The following MYO5B variants were observed in gnomAD, a reference collection of about 807,000 sequenced individuals.
MYO5B encodes the protein myosin VB.
MYO5B carries 143 observed loss-of-function variants against 229.3 expected under a neutral mutation model. That is an observed-to-expected ratio of 0.62 (90% confidence interval 0.54 to 0.72). The LOEUF (loss-of-function observed/expected upper bound fraction) is 0.72. Among genes scored for constraint, MYO5B ranks in the 30% least tolerant of loss-of-function variants. The pLI is 0.00. For missense variants in MYO5B, 2,321 were observed against 2,331.0 expected (o/e 1.00, Z 0.09); for synonymous variants, 918 against 885.2 (o/e 1.04, Z -0.66).
At chr18:49,913,861 AAGAG>A (rs1390950834) in intron 17 of MYO5B, among the ~76,000 whole-genome samples, 1 of 152,028 alleles carries the variant, frequency 6.6e-6, no homozygotes, top group Non-Finnish European at 1.5e-5. Flanking sequence ...AGAAAGAGAG[AAGAG>A]AAAGAGCATC....
chr18:50,117,193 G>T (rs6507964), intron 1 of MYO5B, among the ~76,000 whole-genome samples: 42,323 of 151,858 alleles, frequency 0.28, 6,342 homozygotes, highest in Non-Finnish European at 0.34. Context: ...AGGTGAATAT[G>T]AATATGACCA....
intron 22 of MYO5B, among the ~76,000 whole-genome samples, chr18:49,883,337 A>G (rs895707075): frequency 5.3e-5 from 8 of 151,098 alleles, no homozygotes; most frequent in Non-Finnish European, 1.0e-4. Flanking sequence ...ACTCAATTGT[A>G]TTTGTATATA....
intron 1 of MYO5B, among the ~76,000 whole-genome samples, chr18:50,066,075 A>G (rs1053261473): frequency 4.6e-5 from 7 of 152,316 alleles, no homozygotes; most frequent in African/African-American, 1.2e-4. Context: ...GAAGTATTCT[A>G]TAGCCAATGG....
chr18:49,896,664 G>T (rs1485379461), intron 21 of MYO5B, among the ~76,000 whole-genome samples: 1 of 152,160 alleles, frequency 6.6e-6, no homozygotes, highest in Non-Finnish European at 1.5e-5. Flanking sequence ...AGAGAGGCAC[G>T]CATGGTAACA....
At chr18:49,879,171 T>G in intron 23 of MYO5B, 81 bp from the exon 24 acceptor site, 26 of 1,571,980 alleles carry the variant, frequency 1.7e-5, no homozygotes, top group Non-Finnish European at 2.1e-5. Flanking sequence ...GATTAATCTC[T>G]TGTTAAGAGG....
chr18:49,948,215 G>A (rs934685738), intron 14 of MYO5B, among the ~76,000 whole-genome samples: 34 of 152,292 alleles, frequency 2.2e-4, no homozygotes, highest in African/African-American at 7.2e-4. Context: ...AGTTTGGGTG[G>A]TGTCTCTTCC....
chr18:50,101,061 TG>T (rs1235428018), intron 1 of MYO5B, among the ~76,000 whole-genome samples: 12 of 152,246 alleles, frequency 7.9e-5, no homozygotes, highest in African/African-American at 2.9e-4. Context: ...ACCTACAGCA[TG>T]GGGACAATAG....
At chr18:50,035,731 G>T (rs764008636) in intron 4 of MYO5B, among the ~76,000 whole-genome samples, 8 of 152,326 alleles carry the variant, frequency 5.3e-5, no homozygotes, top group Middle Eastern at 3.4e-3. Context: ...AGAGAAAAGT[G>T]AAAGATTGCA....
chr18:50,143,492 C>T (rs1038341696), intron 1 of MYO5B, among the ~76,000 whole-genome samples: 5 of 152,218 alleles, frequency 3.3e-5, no homozygotes, highest in Non-Finnish European at 7.3e-5. Flanking sequence ...ACAGCACCGG[C>T]TGACACCAGC....
intron 1 of MYO5B, among the ~76,000 whole-genome samples, chr18:50,167,512 G>A (rs1245232221): frequency 6.6e-6 from 1 of 152,134 alleles, no homozygotes; most frequent in East Asian, 1.9e-4. Context: ...CCAACCTCTA[G>A]AAACTCAATT....
intron 17 of MYO5B, among the ~76,000 whole-genome samples, chr18:49,920,706 C>A (rs1266879057): frequency 1.3e-5 from 2 of 152,198 alleles, no homozygotes; most frequent in African/African-American, 4.8e-5. Context: ...CAGGGGGCAA[C>A]ACATGCCTTC....
intron 2 of MYO5B, among the ~76,000 whole-genome samples, chr18:50,045,600 C>T (rs191579320): frequency 4.6e-5 from 7 of 152,222 alleles, no homozygotes; most frequent in Non-Finnish European, 7.4e-5. Context: ...CACCATGTTG[C>T]CCAGGCTGGC....
At chr18:50,100,556 C>G (rs1245978685) in intron 1 of MYO5B, among the ~76,000 whole-genome samples, 1 of 152,148 alleles carries the variant, frequency 6.6e-6, no homozygotes, top group Admixed American at 6.5e-5. Flanking sequence ...ACCCTCCCCA[C>G]TTTCTACTTC....
chr18:49,923,231 C>G (rs948095384), intron 17 of MYO5B, among the ~76,000 whole-genome samples: 2 of 152,216 alleles, frequency 1.3e-5, no homozygotes, highest in African/African-American at 4.8e-5. Flanking sequence ...GCTCCTCCTG[C>G]ACTTGCACTA....
intron 16 of MYO5B, among the ~76,000 whole-genome samples, chr18:49,932,003 G>C (rs553404058): frequency 2.0e-5 from 3 of 152,196 alleles, no homozygotes; most frequent in African/African-American, 4.8e-5. Context: ...GCGTGTTCAG[G>C]AGCATCTGGG....
intron 1 of MYO5B, among the ~76,000 whole-genome samples, chr18:50,069,604 G>C (rs181214583): frequency 7.9e-5 from 12 of 152,282 alleles, no homozygotes; most frequent in Admixed American, 5.9e-4. Flanking sequence ...GAAGAGCACT[G>C]TTTAGAGAGT....
At chr18:50,185,871 G>T (rs1421321292) in intron 1 of MYO5B, among the ~76,000 whole-genome samples, 2 of 152,134 alleles carry the variant, frequency 1.3e-5, no homozygotes, top group Admixed American at 6.5e-5. Context: ...TACAGGAAAA[G>T]ATAGCCATAG....
At chr18:49,939,942 A>G (rs189745200) in intron 14 of MYO5B, among the ~76,000 whole-genome samples, 63 of 139,800 alleles carry the variant, frequency 4.5e-4, no homozygotes, top group African/African-American at 1.5e-3. Flanking sequence ...CAAGCTACCT[A>G]CTGAAGATGC....
chr18:49,932,690 A>C (rs1020627869), intron 16 of MYO5B, among the ~76,000 whole-genome samples: 3 of 152,260 alleles, frequency 2.0e-5, no homozygotes, highest in African/African-American at 4.8e-5. Context: ...AACAAACAAA[A>C]AAACAAGAAG....
Sources: gnomAD v4.1 joint callset for allele counts (sites outside exome capture counted in the v4.1 genomes callset) on GRCh38, gnomAD v4.1.1 for gene constraint, MANE v1.5 for transcripts, NCBI Gene and HGNC (gene_info 2026-07-23, HGNC 2026-07-21) for gene names.